The following MTREX variants were observed in gnomAD, a reference collection of about 807,000 sequenced individuals.
The protein encoded by MTREX is exosome RNA helicase MTR4.
A neutral mutation model predicts 135.4 loss-of-function variants in MTREX; 76 were observed. That is an observed-to-expected ratio of 0.56 (90% CI 0.47 to 0.68). The LOEUF (loss-of-function observed/expected upper bound fraction) is 0.68. Among genes scored for constraint, MTREX ranks in the 30% least tolerant of loss-of-function variants. MTREX has a pLI of 0.00. For synonymous variants in MTREX, 404 were observed against 401.6 expected, an observed-to-expected ratio of 1.01 and a Z score of -0.07; for missense variants, 920 against 1,262.1, an observed-to-expected ratio of 0.73 and a Z score of 4.11.
At chr5:55,366,617 C>A in intron 15 of MTREX, 108 bp from the exon 16 acceptor site, 1 of 761,262 alleles carries the variant, frequency 1.3e-6, no homozygotes, top group Non-Finnish European at 1.9e-6. Flanking sequence ...TAATACATTT[C>A]TGTAGTATTT....
intron 1 of MTREX, among the ~76,000 whole-genome samples, chr5:55,318,309 CACAT>C (rs1749231962): frequency 6.6e-6 from 1 of 152,154 alleles, no homozygotes; most frequent in African/African-American, 2.4e-5. Context: ...ACCATAAAGA[CACAT>C]GCATGTGGAT....
Position 55,318,292 on chromosome 5 carries a change from G to A in MTREX, c.135-4035G>A, listed in dbSNP as rs572630679. On this transcript the variant is annotated intron_variant, in intron 1 of 26. Coordinates refer to ENST00000230640, the MANE Select transcript of MTREX (RefSeq NM_015360.5). ...GGGTATATACCCACAGGAATATAAA[G>A]CATTCTACCATAAAGACACATGCAT... Among the ~76,000 whole-genome samples the A allele has an allele frequency of 2.4e-3, 371 of 152,194 alleles. 1 individual carries two copies. The highest frequency in any genetic ancestry group is 4.3e-3 in the Non-Finnish European group (291 of 67,990).
chr5:55,360,524 G>T (rs145326177), intron 15 of MTREX, among the ~76,000 whole-genome samples: 1 of 152,100 alleles, frequency 6.6e-6, no homozygotes, highest in East Asian at 1.9e-4. Context: ...TTGAGGAACT[G>T]CCAGACTGTT....
chr5:55,320,859 A>AAT (rs1244514268), intron 1 of MTREX, among the ~76,000 whole-genome samples: 1 of 152,186 alleles, frequency 6.6e-6, no homozygotes, highest in East Asian at 1.9e-4. Context: ...AAAGTCTATT[A>AAT]AAATACCCTG....
intron 1 of MTREX, among the ~76,000 whole-genome samples, chr5:55,309,049 T>C (rs1242173146): frequency 6.6e-6 from 1 of 152,186 alleles, no homozygotes; most frequent in Non-Finnish European, 1.5e-5. Flanking sequence ...TTAAGTGTTA[T>C]AAAAGTTCAA....
Position 55,366,725 on chromosome 5 carries a change from G to C in MTREX, c.1660G>C (p.Gly554Arg), listed in dbSNP as rs1211420419. The C allele has an allele frequency of 6.4e-7, 1 of 1,567,484 alleles. No homozygotes were observed. The highest frequency in any genetic ancestry group is 2.3e-5 in the East Asian group (1 of 43,948). The part of the protein sequence containing the change: ...SPTIGKQLLK[G>R]SADPLNSAFH... ...AATTGACATTTTTTTTCTCTCTTAG[G>C]GCTCCGCTGATCCTCTAAATAGTGC... The change falls in exon 16 of 27, where the codon GGC becomes CGC. Residue 554 changes from glycine (G) to arginine (R), a missense_variant and splice_region_variant. Gly to Arg is a moderately radical substitution (Grantham distance 125). Transcript: ENST00000230640.
intron 10 of MTREX, 69 bp from the exon 11 acceptor site, chr5:55,346,944 T>G: frequency 4.6e-6 from 6 of 1,299,942 alleles, no homozygotes; most frequent in Non-Finnish European, 6.3e-6. Context: ...TTTTATAGTT[T>G]TAGCTTTTAA....
At chr5:55,359,120 G>T (rs1008553919) in intron 15 of MTREX, among the ~76,000 whole-genome samples, 12 of 152,162 alleles carry the variant, frequency 7.9e-5, no homozygotes, top group African/African-American at 2.7e-4. Context: ...GGTTAATTCA[G>T]CAATCTGCGT....
At chr5:55,365,771 G>A (rs994803170) in intron 15 of MTREX, among the ~76,000 whole-genome samples, 3 of 152,050 alleles carry the variant, frequency 2.0e-5, no homozygotes, top group African/African-American at 7.2e-5. Context: ...TGAGGTGGGC[G>A]GAGAGGTCAA....
intron 3 of MTREX, 195 bp downstream of exon 3, chr5:55,324,393 ACTATAAT>A (rs1410407217): frequency 3.0e-5 from 7 of 232,926 alleles, no homozygotes; most frequent in Non-Finnish European, 5.4e-5. Context: ...ATTTTTCTTA[ACTATAAT>A]CTTGGGTAAA....
chr5:55,412,647 T>G (rs1750900551), intron 23 of MTREX, among the ~76,000 whole-genome samples: 1 of 152,330 alleles, frequency 6.6e-6, no homozygotes, highest in South Asian at 2.1e-4. Flanking sequence ...AAACTTATAT[T>G]GAGGCCTATA....
intron 6 of MTREX, 73 bp downstream of exon 6, chr5:55,340,257 G>A (rs1237580116): frequency 3.2e-6 from 4 of 1,251,298 alleles, no homozygotes; most frequent in Non-Finnish European, 4.3e-6. Context: ...TAGAACCTGG[G>A]AAGTTTTATT....
Position 55,378,486 on chromosome 5 carries a change from G to T in MTREX, c.1983G>T (p.Lys661Asn). 6.3e-7 allele frequency: 1 copy of T among 1,597,654 alleles called. No homozygotes were observed. Among genetic ancestry groups the T allele is most frequent in the Non-Finnish European group, 8.5e-7 (1 of 1,175,016 alleles). Residue 661 changes from lysine to asparagine, a missense_variant and splice_region_variant, in exon 17 of 27, where the codon AAG (lysine) becomes AAT (asparagine). This residue lies in a region of MTREX where 467 missense variants were observed against 589.7 expected (regional missense o/e 0.79). Transcript: ENST00000230640. The stretch of plus-strand genomic sequence containing the variant: ...TTCTACAACCAGGTCGTTTGGTAAA[G>T]GTATGTCATTGTTTCTTCATAAAAT... ...LPFLQPGRLV[K>N]VKNEGDDFGW...
chr5:55,377,337 G>T (rs1339462056), intron 16 of MTREX, among the ~76,000 whole-genome samples: 3 of 151,848 alleles, frequency 2.0e-5, no homozygotes, highest in Non-Finnish European at 4.4e-5. Flanking sequence ...TAAAAAAAAA[G>T]AAGAAAAAAG....
chr5:55,405,617 T>C, intron 22 of MTREX, 29 bp downstream of exon 22: 1 of 1,533,178 alleles, frequency 6.5e-7, no homozygotes, highest in Non-Finnish European at 8.8e-7. Flanking sequence ...TCTAGAAAGT[T>C]CATTTTTTTT....
chr5:55,379,200 ACTATTATCTTTAAATTAG>A lies in MTREX; in HGVS notation c.2052+6_2052+23del. 2 of 1,525,318 alleles carry A rather than the reference ACTATTATCTTTAAATTAG, an allele frequency of 1.3e-6. No homozygotes were observed. The highest frequency in any genetic ancestry group is 1.7e-4 in the Middle Eastern group (1 of 5,724). The allele number at this position is 1,525,318 out of a possible 1,614,324, so 94.5% of individuals were successfully genotyped here. ...TCAAAAAAGTCAAATGTTAAGGTAAACTATTATCTTTAAATTAGAATTGTATATCAATTTTTAGTGAAA... is the reference window on the plus strand; with the variant it reads ...TCAAAAAAGTCAAATGTTAAGGTAAAAATTGTATATCAATTTTTAGTGAAA... On this transcript the variant is annotated splice_donor_region_variant and intron_variant, in intron 18 of 26. Coordinates refer to ENST00000230640, the MANE Select transcript of MTREX (RefSeq NM_015360.5).
intron 10 of MTREX, among the ~76,000 whole-genome samples, chr5:55,345,653 C>T (rs1252264809): frequency 6.7e-6 from 1 of 150,166 alleles, no homozygotes; most frequent in Admixed American, 6.7e-5. Context: ...TTTCAAGGTT[C>T]GTTACTTTTA....
At chr5:55,342,804 T>G (rs761379321) in intron 7 of MTREX, among the ~76,000 whole-genome samples, 3 of 152,100 alleles carry the variant, frequency 2.0e-5, no homozygotes, top group Non-Finnish European at 4.4e-5. Context: ...GAATCAGAAA[T>G]CCTTTGTTGA....
chr5:55,337,875 G>A (rs1298244998), intron 5 of MTREX, among the ~76,000 whole-genome samples: 1 of 149,908 alleles, frequency 6.7e-6, no homozygotes, highest in Non-Finnish European at 1.5e-5. Context: ...AATTTCTCTT[G>A]ACTTTTTAGC....
Sources: gnomAD v4.1 joint callset for allele counts (sites outside exome capture counted in the v4.1 genomes callset) on GRCh38, gnomAD v4.1.1 for gene constraint, gnomAD v4.1.1 regional missense constraint, MANE v1.5 for transcripts, NCBI Gene and HGNC (gene_info 2026-07-23, HGNC 2026-07-21) for gene names.